Variants in RAB3C observed in about 807,000 individuals in gnomAD.
The protein encoded by RAB3C is ras-related protein Rab-3C.
Under a neutral mutation model 26.4 loss-of-function variants are expected in RAB3C, and 17 were observed. The observed-to-expected ratio is 0.64, with a 90% CI of 0.44 to 0.97. The LOEUF is 0.97. Among genes scored for constraint, RAB3C ranks in the 50% least tolerant of loss-of-function variants. The pLI is 0.00. For synonymous variants in RAB3C, 91 were observed against 95.9 expected (o/e 0.95, Z 0.30); for missense variants, 242 against 281.9 (o/e 0.86, Z 1.01).
intron 3 of RAB3C, among the ~76,000 whole-genome samples, chr5:58,750,362 A>G (rs1741496013): frequency 6.6e-6 from 1 of 152,242 alleles, no homozygotes. Context: ...AAGGGCAGCT[A>G]TCTCATTTTT....
intron 3 of RAB3C, among the ~76,000 whole-genome samples, chr5:58,742,877 C>A (rs1265658825): frequency 6.6e-6 from 1 of 151,946 alleles, no homozygotes; most frequent in African/African-American, 2.4e-5. Context: ...AGGAAAATTT[C>A]TTTTTTTAAT....
intron 1 of RAB3C, among the ~76,000 whole-genome samples, chr5:58,614,611 C>A (rs193263063): frequency 6.6e-6 from 1 of 151,930 alleles, no homozygotes; most frequent in Non-Finnish European, 1.5e-5. Flanking sequence ...CCCTCCTAGA[C>A]CCCCTCTTTT....
intron 3 of RAB3C, among the ~76,000 whole-genome samples, chr5:58,753,887 T>A (rs981224683): frequency 7.9e-5 from 12 of 152,256 alleles, no homozygotes; most frequent in Admixed American, 7.8e-4. Flanking sequence ...CCTTCTAATG[T>A]CTCCAAACAG....
At chr5:58,707,988 CT>C (rs35213627) in intron 2 of RAB3C, among the ~76,000 whole-genome samples, 2,261 of 142,536 alleles carry the variant, frequency 0.016, 48 homozygotes, top group African/African-American at 0.055. Context: ...TCTTTCTTTC[CT>C]TTTTTTTTTT....
chr5:58,817,425 G>A (rs956379299), intron 3 of RAB3C, among the ~76,000 whole-genome samples: 4 of 151,902 alleles, frequency 2.6e-5, no homozygotes, highest in Non-Finnish European at 5.9e-5. Context: ...ACATATAAAA[G>A]GCCTACCCCC....
At chr5:58,595,220 G>A (rs1309463235) in intron 1 of RAB3C, among the ~76,000 whole-genome samples, 1 of 152,154 alleles carries the variant, frequency 6.6e-6, no homozygotes, top group African/African-American at 2.4e-5. Flanking sequence ...GTCTAGTAGG[G>A]TGCTTGCAGT....
intron 2 of RAB3C, among the ~76,000 whole-genome samples, chr5:58,692,692 C>A (rs760368364): frequency 5.9e-5 from 9 of 152,030 alleles, no homozygotes; most frequent in African/African-American, 1.9e-4. Context: ...CTTGGGCCAA[C>A]TTTTCTGGCA....
At chr5:58,706,479 A>G (rs752275623) in intron 2 of RAB3C, among the ~76,000 whole-genome samples, 1 of 152,228 alleles carries the variant, frequency 6.6e-6, no homozygotes, top group Non-Finnish European at 1.5e-5. Context: ...ATCCATTTAT[A>G]CATTGTTGGT....
At chr5:58,651,023 G>A (rs924992895) in intron 2 of RAB3C, among the ~76,000 whole-genome samples, 6 of 152,172 alleles carry the variant, frequency 3.9e-5, no homozygotes, top group Admixed American at 1.3e-4. Context: ...TAGGAGCTAG[G>A]TAATGTCTTT....
At position 58,853,073 on chromosome 5, in the gene RAB3C, G is replaced by A. The variant is rs1377140897; in HGVS notation, c.*1722G>A. ...GTTATTTCTCACCTTCCTAGTTGAA[G>A]ATCCACTAATCAGTAGTACATTTCT... On this transcript the variant is annotated 3_prime_UTR_variant, in exon 5 of 5. Transcript: ENST00000282878. 6.6e-6 allele frequency: 1 copy of A among 152,148 alleles called. No homozygotes were observed. The allele number at this position is 152,148 out of a possible 1,614,324, so 9.4% of individuals were successfully genotyped here.
chr5:58,600,002 A>T (rs1487471231), intron 1 of RAB3C, among the ~76,000 whole-genome samples: 1 of 152,112 alleles, frequency 6.6e-6, no homozygotes, highest in Non-Finnish European at 1.5e-5. Flanking sequence ...TAAGTCCTTA[A>T]TCCATCTTCA....
chr5:58,754,479 C>T (rs1485864898), intron 3 of RAB3C, among the ~76,000 whole-genome samples: 2 of 152,070 alleles, frequency 1.3e-5, no homozygotes, highest in Admixed American at 1.3e-4. Context: ...TCATACTCAG[C>T]GTGAATATGG....
intron 4 of RAB3C, among the ~76,000 whole-genome samples, chr5:58,832,706 T>C (rs143387597): frequency 1.2e-4 from 19 of 152,342 alleles, no homozygotes; most frequent in African/African-American, 3.8e-4. Context: ...GTCTGAACCA[T>C]GTCTTGAAGT....
chr5:58,645,503 A>C (rs2218527), intron 2 of RAB3C, among the ~76,000 whole-genome samples: 15,866 of 152,274 alleles, frequency 0.1, 957 homozygotes, highest in Middle Eastern at 0.21. Context: ...TAAGGGCACA[A>C]TATTCATTCA....
intron 1 of RAB3C, among the ~76,000 whole-genome samples, chr5:58,612,487 G>GGGGT (rs1746724744): frequency 8.8e-6 from 1 of 113,048 alleles, no homozygotes; most frequent in African/African-American, 4.0e-5. Context: ...TGTGTTCCTA[G>GGGGT]GTGTGTGTGT....
In RAB3C at chr5:58,856,023, G is replaced by T. The variant is rs1744251147; in HGVS notation, c.*4672G>T. 1 of 151,982 alleles carries T rather than the reference G, an allele frequency of 6.6e-6. No individual in the cohort carries two copies. The highest frequency in any genetic ancestry group is 2.4e-5 in the African/African-American group (1 of 41,372). The allele number at this position is 151,982 out of a possible 1,614,324, so 9.4% of individuals were successfully genotyped here. ...TTTGCTTTTAGATTACACATACAGTGCTGCCCTTCTCAACAGTCACTCACA... is the reference window on the plus strand; with the variant it reads ...TTTGCTTTTAGATTACACATACAGTTCTGCCCTTCTCAACAGTCACTCACA... On this transcript the variant is annotated 3_prime_UTR_variant, in exon 5 of 5. Transcript: ENST00000282878.
At chr5:58,835,017 T>C (rs187959971) in intron 4 of RAB3C, among the ~76,000 whole-genome samples, 289 of 152,294 alleles carry the variant, frequency 1.9e-3, no homozygotes, top group African/African-American at 6.6e-3. Context: ...CATTTCCCAG[T>C]GTAAGTATTA....
At chr5:58,826,209 A>G (rs553010516) in intron 4 of RAB3C, among the ~76,000 whole-genome samples, 2 of 152,242 alleles carry the variant, frequency 1.3e-5, no homozygotes, top group East Asian at 3.9e-4. Flanking sequence ...ATACACCAAG[A>G]GGAAGAGATG....
intron 3 of RAB3C, among the ~76,000 whole-genome samples, chr5:58,783,812 T>C (rs150491304): frequency 6.6e-5 from 10 of 152,310 alleles, no homozygotes; most frequent in Non-Finnish European, 1.5e-4. Context: ...TTTTAAGATT[T>C]CCTAAGCAAA....
Sources: gnomAD v4.1 joint callset for allele counts (sites outside exome capture counted in the v4.1 genomes callset) on GRCh38, gnomAD v4.1.1 for gene constraint, MANE v1.5 for transcripts, NCBI Gene and HGNC (gene_info 2026-07-23, HGNC 2026-07-21) for gene names.